The following NIPBL variants were observed in gnomAD, a reference collection of about 807,000 sequenced individuals.
The protein encoded by NIPBL is NIPBL cohesin loading factor, also known as nipped-B-like protein.
A neutral mutation model predicts 321.8 loss-of-function variants in NIPBL; 19 were observed. The ratio of observed to expected loss-of-function variants is 0.06; its 90% CI spans 0.04 to 0.09. The LOEUF (loss-of-function observed/expected upper bound fraction) is 0.09. Ranked by LOEUF, NIPBL falls within the 10% of genes least tolerant of loss-of-function variation. NIPBL has a pLI of 1.00. For missense variants in NIPBL, 2,210 were observed against 3,327.0 expected, an observed-to-expected ratio of 0.66 and a Z score of 8.26; for synonymous variants, 1,106 against 1,114.1, an observed-to-expected ratio of 0.99 and a Z score of 0.14.
At chr5:37,051,618 A>G (rs1437504901) in intron 40 of NIPBL, 161 bp from the exon 41 acceptor site, 4 of 624,074 alleles carry the variant, frequency 6.4e-6, no homozygotes, top group Non-Finnish European at 1.1e-5. Flanking sequence ...GCTGAATCTC[A>G]AAAGATCTGT....
chr5:37,016,962 G>T, intron 23 of NIPBL, 57 bp from the exon 24 acceptor site: 1 of 1,138,032 alleles, frequency 8.8e-7, no homozygotes, highest in South Asian at 1.7e-5. Context: ...ATGATAAATT[G>T]CTATTTAAAA....
intron 1 of NIPBL, among the ~76,000 whole-genome samples, chr5:36,895,034 A>T (rs1746627414): frequency 6.6e-6 from 1 of 152,140 alleles, no homozygotes; most frequent in Non-Finnish European, 1.5e-5. Flanking sequence ...CACCCTTTTA[A>T]AGTGTAAAAC....
At chr5:37,019,284 T>C (rs1749355005) in intron 24 of NIPBL, 27 bp from the exon 25 acceptor site, 1 of 1,444,732 alleles carries the variant, frequency 6.9e-7, no homozygotes, top group Non-Finnish European at 9.7e-7. Flanking sequence ...TAATATCTTT[T>C]TTGTTCTTAT....
At chr5:36,947,442 C>T (rs1739811851) in intron 1 of NIPBL, among the ~76,000 whole-genome samples, 2 of 151,998 alleles carry the variant, frequency 1.3e-5, no homozygotes, top group Admixed American at 6.6e-5. Flanking sequence ...TTAAATTAGT[C>T]TTAACTGAAA....
intron 32 of NIPBL, among the ~76,000 whole-genome samples, chr5:37,034,357 C>T (rs989149860): frequency 3.3e-5 from 5 of 152,114 alleles, no homozygotes; most frequent in Non-Finnish European, 7.3e-5. Flanking sequence ...TTGAACAATG[C>T]ATGTATCCAA....
intron 20 of NIPBL, 140 bp downstream of exon 20, chr5:37,008,863 A>G: frequency 1.6e-6 from 1 of 642,294 alleles, no homozygotes; most frequent in South Asian, 1.9e-5. Flanking sequence ...CATGAAAAAT[A>G]GATGTGTGAA....
intron 1 of NIPBL, among the ~76,000 whole-genome samples, chr5:36,952,061 C>T (rs928274126): frequency 0.043 from 3,710 of 86,892 alleles, 61 homozygotes; most frequent in South Asian, 0.068. Context: ...TGTGCGCGCG[C>T]GCGCGCGCGC....
chr5:36,910,213 C>T (rs1176437430), intron 1 of NIPBL, among the ~76,000 whole-genome samples: 1 of 152,120 alleles, frequency 6.6e-6, no homozygotes, highest in African/African-American at 2.4e-5. Context: ...CCAAGGCTTT[C>T]AAAGGTTGAG....
chr5:36,948,065 G>A (rs1739880926), intron 1 of NIPBL, among the ~76,000 whole-genome samples: 2 of 151,850 alleles, frequency 1.3e-5, no homozygotes, highest in South Asian at 2.1e-4. Flanking sequence ...TCACTGTAAA[G>A]TTGGTTCAGG....
At chr5:37,009,978 C>T in intron 20 of NIPBL, 109 bp from the exon 21 acceptor site, 2 of 852,650 alleles carry the variant, frequency 2.3e-6, no homozygotes, top group Non-Finnish European at 3.9e-6. Context: ...GCACTAAGAT[C>T]ATGCCTAGAA....
At chr5:36,895,853 T>C (rs1746689637) in intron 1 of NIPBL, among the ~76,000 whole-genome samples, 1 of 152,244 alleles carries the variant, frequency 6.6e-6, no homozygotes, top group Non-Finnish European at 1.5e-5. Context: ...ATATTCTAGA[T>C]ACAAGTTCCT....
intron 1 of NIPBL, among the ~76,000 whole-genome samples, chr5:36,913,563 T>C (rs1748218947): frequency 6.6e-6 from 1 of 152,024 alleles, no homozygotes; most frequent in Non-Finnish European, 1.5e-5. Flanking sequence ...CTAATTTTTC[T>C]GTAGAGAAAC....
At chr5:36,981,968 A>G (rs945874429) in intron 9 of NIPBL, among the ~76,000 whole-genome samples, 1 of 151,758 alleles carries the variant, frequency 6.6e-6, no homozygotes, top group Non-Finnish European at 1.5e-5. Flanking sequence ...TGTATACACA[A>G]TTATTGTGCT....
chr5:37,011,526 G>A (rs990682556), intron 21 of NIPBL, among the ~76,000 whole-genome samples: 3 of 152,144 alleles, frequency 2.0e-5, no homozygotes, highest in African/African-American at 7.2e-5. Flanking sequence ...CTGCACCCTG[G>A]CCTGGATGAC....
chr5:36,995,817 G>A lies in NIPBL; in HGVS notation c.3304+13G>A. Reference sequence around the variant, plus strand: ...GAAGCTTTTGAATGTAAGTATCACAGAACTCTTTGTTATTATTTTAGAGTT... The same window carrying A: ...GAAGCTTTTGAATGTAAGTATCACAAAACTCTTTGTTATTATTTTAGAGTT... On this transcript the variant is annotated intron_variant, in intron 11 of 46. Transcript: ENST00000282516. 1 of 1,601,050 alleles carries A rather than the reference G, an allele frequency of 6.2e-7. No individual in the cohort carries two copies. Among genetic ancestry groups the A allele is most frequent in the Non-Finnish European group, 8.6e-7 (1 of 1,168,564 alleles).
chr5:36,917,013 C>G (rs571924912), intron 1 of NIPBL, among the ~76,000 whole-genome samples: 77 of 152,216 alleles, frequency 5.1e-4, no homozygotes, highest in Non-Finnish European at 7.9e-4. Context: ...TGGGTATATA[C>G]CCAGTAATGG....
intron 34 of NIPBL, among the ~76,000 whole-genome samples, chr5:37,043,772 G>T (rs1480692221): frequency 1.3e-5 from 2 of 152,164 alleles, no homozygotes; most frequent in Non-Finnish European, 2.9e-5. Context: ...TTAACACAGG[G>T]TTTCTCAACC....
intron 1 of NIPBL, among the ~76,000 whole-genome samples, chr5:36,908,550 C>T (rs566240071): frequency 2.0e-5 from 3 of 151,786 alleles, no homozygotes; most frequent in South Asian, 4.2e-4. Context: ...ATACAGGGAA[C>T]GTAGAATTGG....
chr5:36,999,604 C>G (rs1294202683), intron 11 of NIPBL, among the ~76,000 whole-genome samples: 2 of 152,214 alleles, frequency 1.3e-5, no homozygotes, highest in African/African-American at 4.8e-5. Flanking sequence ...TAGATGAAAT[C>G]TGTTTGCCAG....
Sources: allele counts gnomAD v4.1 joint callset (sites outside exome capture counted in the v4.1 genomes callset), GRCh38; gene constraint gnomAD v4.1.1; transcripts MANE v1.5; gene names NCBI Gene and HGNC (gene_info 2026-07-23, HGNC 2026-07-21).